Variants in TLN2 observed in about 807,000 individuals in gnomAD.
TLN2 encodes the protein talin 2.
In TLN2, 118 loss-of-function variants were observed where a neutral mutation model predicts 294.7. The ratio of observed to expected loss-of-function variants is 0.40; its 90% CI spans 0.34 to 0.47. The LOEUF (loss-of-function observed/expected upper bound fraction) is 0.47. Among genes scored for constraint, TLN2 ranks in the 20% least tolerant of loss-of-function variants. The pLI is 0.84. For synonymous variants in TLN2, 1,431 were observed against 1,304.5 expected (o/e 1.10, Z -2.09); for missense variants, 3,083 against 3,282.2 (o/e 0.94, Z 1.48).
At chr15:62,445,861 A>G (rs993497592) in intron 1 of TLN2, among the ~76,000 whole-genome samples, 18 of 152,164 alleles carry the variant, frequency 1.2e-4, no homozygotes, top group Middle Eastern at 3.4e-3. Context: ...ATGAGGGCTC[A>G]CTGTGTTGCC....
chr15:62,771,865 C>T (rs910671374), intron 42 of TLN2, among the ~76,000 whole-genome samples: 1 of 152,246 alleles, frequency 6.6e-6, no homozygotes, highest in East Asian at 1.9e-4. Context: ...TAGTGGGGAG[C>T]CATTGGCAGT....
chr15:62,643,607 G>A (rs2051435565), intron 3 of TLN2, among the ~76,000 whole-genome samples: 1 of 151,884 alleles, frequency 6.6e-6, no homozygotes, highest in Non-Finnish European at 1.5e-5. Flanking sequence ...ATGTAAGGAT[G>A]AGGAGACTGA....
At chr15:62,543,100 A>T (rs1005948436) in intron 1 of TLN2, among the ~76,000 whole-genome samples, 1 of 152,180 alleles carries the variant, frequency 6.6e-6, no homozygotes, top group African/African-American at 2.4e-5. Context: ...GATGGCCACT[A>T]CAGGGACAGG....
At chr15:62,755,456 C>T (rs1567534665) in intron 36 of TLN2, 76 bp from the exon 37 acceptor site, 4 of 1,514,384 alleles carry the variant, frequency 2.6e-6, no homozygotes, top group Non-Finnish European at 3.5e-6. Context: ...TGAACAGGAA[C>T]CCAGGGCTGA....
chr15:62,559,440 T>C (rs1401405701), intron 1 of TLN2, among the ~76,000 whole-genome samples: 1 of 152,206 alleles, frequency 6.6e-6, no homozygotes, highest in Non-Finnish European at 1.5e-5. Context: ...CATGGCCAAA[T>C]TGGAGAACTG....
intron 9 of TLN2, among the ~76,000 whole-genome samples, chr15:62,665,972 C>A (rs1440644763): frequency 6.6e-6 from 1 of 152,218 alleles, no homozygotes; most frequent in Admixed American, 6.5e-5. Flanking sequence ...GCTCTCCTAT[C>A]CTCTCAGTAT....
Position 62,679,687 on chromosome 15 carries a change from G to A in TLN2, c.957+4366G>A, listed in dbSNP as rs533869296. ...TGTTAAAAATATTCTAGAACTGACT[G>A]TGGTTTTAAAAATAACAGTAATACA... On this transcript the variant is annotated intron_variant, in intron 11 of 58. Transcript: ENST00000636159. 2.6e-5 allele frequency among the ~76,000 whole-genome samples: 4 copies of A among 152,306 alleles called. No homozygotes were observed. In the South Asian group the frequency reaches 6.2e-4, roughly 24 times the overall value.
At chr15:62,472,003 T>G (rs2037503641) in intron 1 of TLN2, among the ~76,000 whole-genome samples, 1 of 152,152 alleles carries the variant, frequency 6.6e-6, no homozygotes, top group African/African-American at 2.4e-5. Context: ...TCCACTGCAT[T>G]CAGAATAAAG....
intron 35 of TLN2, among the ~76,000 whole-genome samples, 192 bp from the exon 36 acceptor site, chr15:62,753,581 C>T (rs11071691): frequency 0.048 from 7,357 of 152,302 alleles, 277 homozygotes; most frequent in East Asian, 0.15. Context: ...TAAACTACTT[C>T]TGGTATGTCA....
intron 1 of TLN2, among the ~76,000 whole-genome samples, chr15:62,499,175 A>G (rs2039170754): frequency 6.6e-6 from 1 of 152,148 alleles, no homozygotes; most frequent in South Asian, 2.1e-4. Flanking sequence ...AACATTGACT[A>G]GAGGGGCTCA....
intron 54 of TLN2, among the ~76,000 whole-genome samples, chr15:62,825,228 G>T (rs990340186): frequency 1.3e-5 from 2 of 152,174 alleles, no homozygotes; most frequent in African/African-American, 4.8e-5. Context: ...AGAGAACACC[G>T]GCTTTGGTTT....
Position 62,796,281 on chromosome 15 carries a change from T to A in TLN2, c.6038T>A (p.Phe2013Tyr). Reference protein sequence around the residue: ...GTLNAENSETFADHRENILKT... With the variant: ...GTLNAENSETYADHRENILKT... The stretch of plus-strand genomic sequence containing the variant: ...CTGAATGCAGAGAACAGTGAGACCT[T>A]CGCAGACCACAGGTACGTGGGGGTC... The change falls in exon 47 of 59, where the codon TTC (phenylalanine) becomes TAC (tyrosine). Residue 2013 changes from phenylalanine (F) to tyrosine (Y), a missense_variant. By Grantham distance (22) the Phe-to-Tyr change is conservative (BLOSUM62 3). Coordinates refer to ENST00000636159, the MANE Select transcript of TLN2 (RefSeq NM_015059.3). The A allele has an allele frequency of 6.2e-7, 1 of 1,613,778 alleles. No individual in the cohort carries two copies.
At position 62,720,648 on chromosome 15, in the gene TLN2, GGTGTGTGT is replaced by G. The variant is rs5813167; in HGVS notation, c.2991+795_2991+802del. Among the ~76,000 whole-genome samples the G allele has an allele frequency of 8.2e-3, 1,219 of 149,186 alleles. 8 individuals are homozygous for G. The highest frequency in any genetic ancestry group is 0.038 in the Middle Eastern group (11 of 292). On this transcript the variant is annotated intron_variant, in intron 25 of 58. Transcript: ENST00000636159. ...TTTAACTACATACATATACAACACA[GGTGTGTGT>G]GTGTGTGTGTGTGTGTGTGTGTGTG...
intron 1 of TLN2, among the ~76,000 whole-genome samples, chr15:62,479,485 A>T (rs2037964455): frequency 2.0e-5 from 3 of 150,616 alleles, no homozygotes; most frequent in African/African-American, 7.3e-5. Flanking sequence ...CTTTATTTTT[A>T]TTTTTTTTTG....
chr15:62,671,077 T>C (rs988590853), intron 9 of TLN2, among the ~76,000 whole-genome samples: 2 of 152,232 alleles, frequency 1.3e-5, no homozygotes, highest in African/African-American at 4.8e-5. Context: ...GCCATTTGTA[T>C]CTCTTCTTTG....
At chr15:62,722,552 C>T in intron 26 of TLN2, 65 bp downstream of exon 26, 2 of 1,540,388 alleles carry the variant, frequency 1.3e-6, no homozygotes, top group Admixed American at 1.8e-5. Flanking sequence ...TGGGTACCAC[C>T]CAGGGCCTGA....
intron 1 of TLN2, among the ~76,000 whole-genome samples, chr15:62,530,710 A>C (rs781058072): frequency 5.9e-5 from 9 of 152,228 alleles, no homozygotes; most frequent in Non-Finnish European, 1.3e-4. Flanking sequence ...CTTCTTGGGG[A>C]AAAGATGTAA....
chr15:62,655,493 C>T (rs1051371084), intron 7 of TLN2, among the ~76,000 whole-genome samples: 2 of 152,154 alleles, frequency 1.3e-5, no homozygotes, highest in African/African-American at 4.8e-5. Flanking sequence ...ACTTACTATG[C>T]TCATAGCCTC....
chr15:62,448,440 C>T (rs1332183900), intron 1 of TLN2, among the ~76,000 whole-genome samples: 1 of 152,230 alleles, frequency 6.6e-6, no homozygotes, highest in African/African-American at 2.4e-5. Flanking sequence ...GAATGAGCTT[C>T]ACTTCTGGAT....
Sources: gnomAD v4.1 joint callset for allele counts (sites outside exome capture counted in the v4.1 genomes callset) on GRCh38, gnomAD v4.1.1 for gene constraint, MANE v1.5 for transcripts, NCBI Gene and HGNC (gene_info 2026-07-23, HGNC 2026-07-21) for gene names.